The following AEBP1 variants were observed in gnomAD, a reference collection of about 807,000 sequenced individuals.
AEBP1 encodes adipocyte enhancer-binding protein 1.
A neutral mutation model predicts 116.5 loss-of-function variants in AEBP1; 69 were observed. The ratio of observed to expected loss-of-function variants is 0.59; its 90% confidence interval spans 0.49 to 0.72. The LOEUF (loss-of-function observed/expected upper bound fraction) is 0.72. AEBP1 is among the 30% of genes least tolerant of loss of function. The probability of loss-of-function intolerance (pLI) is 0.00; values close to 1 mark genes in which losing one functional copy is unlikely to be tolerated. For missense variants in AEBP1, 1,444 were observed against 1,557.5 expected (o/e 0.93, Z 1.23); for synonymous variants, 627 against 627.3 (o/e 1.00, Z 0.01).
Position 44,113,693 on chromosome 7 carries a change from A to G in AEBP1, c.2909A>G (p.Asp970Gly), listed in dbSNP as rs1254521339. 6.2e-7 allele frequency: 1 copy of G among 1,613,998 alleles called. No homozygotes were observed. The highest frequency in any genetic ancestry group is 1.1e-5 in the South Asian group (1 of 91,078). ...CCGAGCGCCAAGACCTGCAATGTTG[A>G]CTATGACATCGGGGCCACTCAGTGC... ...YTPSAKTCNV[D>G]YDIGATQCNF... The change falls in exon 21 of 21, where the codon GAC becomes GGC. Residue 970 changes from aspartate (D) to glycine (G), a missense_variant. Transcript: ENST00000223357. This position sits in a 1 kb window ranked among gnomAD's most constrained non-coding sequence, Gnocchi z 5.3.
rs202011690 is a variant in AEBP1, at chr7:44,113,210, T to C, written c.2710-42T>C. 6.1e-5 allele frequency: 99 copies of C among 1,613,392 alleles called. No homozygotes were observed. The Admixed American group carries it at 1.6e-3, about 26-fold the overall frequency. ...GGCGGGAGGGAGCAGCGGACCACATTGGACCTTCCTGAGGACCAGCAGCCC... is the reference window on the plus strand; with the variant it reads ...GGCGGGAGGGAGCAGCGGACCACATCGGACCTTCCTGAGGACCAGCAGCCC... On this transcript the variant is annotated intron_variant, in intron 19 of 20. Transcript: ENST00000223357. The surrounding 1 kb of genome is among the most constrained non-coding windows in gnomAD (Gnocchi z 5.3).
intron 11 of AEBP1, 107 bp from the exon 12 acceptor site, chr7:44,110,618 C>A: frequency 2.6e-6 from 3 of 1,138,826 alleles, no homozygotes; most frequent in Non-Finnish European, 3.8e-6. Flanking sequence ...CCGTGCAGCA[C>A]CACCCTGCTA....
Position 44,113,706 on chromosome 7 carries a change from G to A in AEBP1, c.2922G>A (p.Gly974=). The change falls in exon 21 of 21, where the codon GGG becomes GGA. Residue 974 remains glycine (G), a synonymous_variant. Coordinates refer to ENST00000223357, the MANE Select transcript of AEBP1 (RefSeq NM_001129.5). The surrounding 1 kb of genome is among the most constrained non-coding windows in gnomAD (Gnocchi z 5.3). ...CCTGCAATGTTGACTATGACATCGGGGCCACTCAGTGCAACTTCATCCTGG... is the reference window on the plus strand; with the variant it reads ...CCTGCAATGTTGACTATGACATCGGAGCCACTCAGTGCAACTTCATCCTGG... The part of the protein sequence containing the change: ...AKTCNVDYDI[G]ATQCNFILAR... 1 of 1,614,006 alleles carries A rather than the reference G, an allele frequency of 6.2e-7. No homozygotes were observed.
At chr7:44,109,057 T>C (rs756137958) in intron 7 of AEBP1, 50 bp from the exon 8 acceptor site, 36 of 1,612,204 alleles carry the variant, frequency 2.2e-5, no homozygotes, top group Non-Finnish European at 2.9e-5. Flanking sequence ...CACATGGTCC[T>C]CAAAGCCCAG....
rs1475336464 is a variant in AEBP1 at position 44,112,769 on chromosome 7, C to T, written c.2429C>T (p.Ala810Val). The T allele has an allele frequency of 1.9e-6, 3 of 1,612,998 alleles. No homozygotes were observed. Among genetic ancestry groups the T allele is most frequent in the Admixed American group, 3.3e-5 (2 of 60,002 alleles). ...GAGGCCCAGGAGACTCCAGACCACG[C>T]CATCTTCCGGTGGCTTGCCATCTCC... The part of the protein sequence containing the change: ...VSEAQETPDH[A>V]IFRWLAISFA... Residue 810 changes from alanine (A) to valine (V), a missense_variant, in exon 18 of 21, where the codon GCC becomes GTC. Ala to Val is a moderately conservative substitution (Grantham distance 64). Transcript: ENST00000223357. This position sits in a 1 kb window ranked among gnomAD's most constrained non-coding sequence, Gnocchi z 6.6.
chr7:44,107,033 CA>C lies in AEBP1; in HGVS notation c.595+147del. The C allele has an allele frequency of 4.2e-6, 3 of 705,886 alleles. No individual in the cohort carries two copies. Among genetic ancestry groups the C allele is most frequent in the Non-Finnish European group, 6.9e-6 (3 of 434,506 alleles). 43.7% of individuals were successfully genotyped at this position (705,886 alleles called of 1,614,324 possible). A position where few individuals can be genotyped will look rare whatever the true frequency, so the allele number is the denominator to read the frequency against. ...GGAACCTCACTTTTGCTATAAATTTCACAATTTGATTGGTGGGCTCCCTCAG... is the reference window on the plus strand; with the variant it reads ...GGAACCTCACTTTTGCTATAAATTTCCAATTTGATTGGTGGGCTCCCTCAG... On this transcript the variant is annotated intron_variant, in intron 2 of 20. Coordinates refer to ENST00000223357, the MANE Select transcript of AEBP1 (RefSeq NM_001129.5). The surrounding 1 kb of genome is among the most constrained non-coding windows in gnomAD (Gnocchi z 4.3).
rs1290313218 is a variant in AEBP1, at chr7:44,107,469, C to T, written c.626C>T (p.Pro209Leu). The T allele has an allele frequency of 1.2e-5, 20 of 1,613,290 alleles. No individual in the cohort carries two copies. The highest frequency in any genetic ancestry group is 1.7e-5 in the Non-Finnish European group (20 of 1,180,008). ...GAPLSNNWQNPGEETHVEARE... is the reference protein window; with the variant it reads ...GAPLSNNWQNLGEETHVEARE... ...CCCCTCTCAAATAACTGGCAGAATC[C>T]AGGAGAGGAGACCCATGTGGAGGCA... is the stretch of plus-strand genomic sequence containing the variant. The change falls in exon 3 of 21, where the codon CCA (proline) becomes CTA (leucine). Residue 209 changes from proline (P) to leucine (L), a missense_variant. Physicochemically the swap from Pro to Leu is moderately conservative, Grantham distance 98. Coordinates refer to ENST00000223357, the MANE Select transcript of AEBP1 (RefSeq NM_001129.5). The surrounding 1 kb of genome is among the most constrained non-coding windows in gnomAD (Gnocchi z 4.3).
Position 44,111,162 on chromosome 7 carries a change from A to G in AEBP1, c.1639A>G (p.Ser547Gly), listed in dbSNP as rs778574670. The change falls in exon 14 of 21, where the codon AGC becomes GGC. Residue 547 changes from serine to glycine, a missense_variant. Coordinates refer to ENST00000223357, the MANE Select transcript of AEBP1 (RefSeq NM_001129.5). This position sits in a 1 kb window ranked among gnomAD's most constrained non-coding sequence, Gnocchi z 4.7. ...CCCCGCCTCCCTTGCAGCTGTCTAC[A>G]GCTACTACGCACAGAATGAGGTGGT... is the stretch of plus-strand genomic sequence containing the variant. ...VLGCSVAPVY[S>G]YYAQNEVVAT... is the part of the protein sequence containing the mutation. 6.5e-7 allele frequency: 1 copy of G among 1,546,608 alleles called. No individual in the cohort carries two copies. Among genetic ancestry groups the G allele is most frequent in the East Asian group, 2.3e-5 (1 of 44,254 alleles).
chr7:44,108,129 G>A lies in AEBP1; in HGVS notation c.940+45G>A, dbSNP rs761287382. 1.4e-5 allele frequency: 21 copies of A among 1,549,056 alleles called. No individual in the cohort carries two copies. The highest frequency in any genetic ancestry group is 1.6e-5 in the Non-Finnish European group (18 of 1,144,400). ...GAGTCTGAGGGACATAGGCAGGTGG[G>A]GGTCGGGGCTGGGGTGTGGTCAGGA... On this transcript the variant is annotated intron_variant, in intron 6 of 20. Transcript: ENST00000223357. The surrounding 1 kb of genome is among the most constrained non-coding windows in gnomAD (Gnocchi z 5.0).
In AEBP1 at chr7:44,108,893, C is replaced by T; in HGVS notation, c.941-6C>T. On this transcript the variant is annotated splice_region_variant and splice_polypyrimidine_tract_variant and intron_variant, in intron 6 of 20. Coordinates refer to ENST00000223357, the MANE Select transcript of AEBP1 (RefSeq NM_001129.5). The surrounding 1 kb of genome is among the most constrained non-coding windows in gnomAD (Gnocchi z 5.0). The stretch of plus-strand genomic sequence containing the variant: ...GGCAGCCTCAGCTGGCTCTCCCTCC[C>T]CATAGTGGACTATTACTTTGGGCCT... The T allele has an allele frequency of 6.4e-7, 1 of 1,571,412 alleles. No individual in the cohort carries two copies.
At position 44,113,228 on chromosome 7, in the gene AEBP1, A is replaced by T; in HGVS notation, c.2710-24A>T. 1 of 1,613,408 alleles carries T rather than the reference A, an allele frequency of 6.2e-7. No individual in the cohort carries two copies. The highest frequency in any genetic ancestry group is 2.2e-5 in the East Asian group (1 of 44,860). ...ACCACATTGGACCTTCCTGAGGACCAGCAGCCCTCACCTGCTTCCCTAGGT... is the reference window on the plus strand; with the variant it reads ...ACCACATTGGACCTTCCTGAGGACCTGCAGCCCTCACCTGCTTCCCTAGGT... On this transcript the variant is annotated intron_variant, in intron 19 of 20. Transcript: ENST00000223357. The surrounding 1 kb of genome is among the most constrained non-coding windows in gnomAD (Gnocchi z 5.3).
chr7:44,110,827 G>A lies in AEBP1; in HGVS notation c.1485+18G>A, dbSNP rs1184926541. 2 of 1,591,402 alleles carry A rather than the reference G, an allele frequency of 1.3e-6. No homozygotes were observed. The highest frequency in any genetic ancestry group is 1.7e-6 in the Non-Finnish European group (2 of 1,166,498). ...AGGAAATGGTGGGCACCATGCCCAG[G>A]CTCTTGGCTCTGCTCCCATTGTCTG... is the stretch of plus-strand genomic sequence containing the variant. On this transcript the variant is annotated intron_variant, in intron 12 of 20. Coordinates refer to ENST00000223357, the MANE Select transcript of AEBP1 (RefSeq NM_001129.5).
rs533759393 is a variant in AEBP1 at position 44,111,802 on chromosome 7, C to G, written c.1841-52C>G. The G allele has an allele frequency of 7.0e-6, 11 of 1,575,484 alleles. No individual in the cohort carries two copies. In the East Asian group the frequency reaches 2.5e-4, roughly 36 times the overall value. On this transcript the variant is annotated intron_variant, in intron 15 of 20. Coordinates refer to ENST00000223357, the MANE Select transcript of AEBP1 (RefSeq NM_001129.5). This position sits in a 1 kb window ranked among gnomAD's most constrained non-coding sequence, Gnocchi z 4.7. ...GAGGTGGGTCTGGGTCCTTCCTCAG[C>G]TGCCCTGGGCCTCGGGAGACTGAGT...
intron 1 of AEBP1, 75 bp downstream of exon 1, chr7:44,104,993 G>A: frequency 2.4e-6 from 3 of 1,232,934 alleles, no homozygotes; most frequent in East Asian, 2.6e-5. Flanking sequence ...GGTAGGGTCT[G>A]GCCACTCCCC....
rs1489516600 is a variant in AEBP1, at chr7:44,110,189, C to A, written c.1261-18C>A. 8.7e-6 allele frequency: 14 copies of A among 1,613,494 alleles called. No homozygotes were observed. The highest frequency in any genetic ancestry group is 1.1e-5 in the South Asian group (1 of 91,088). ...GGACTCCTCCGCCCATGCTCAGCCTCCCCTGCCCCCTGGACAGACCGGTGC... is the reference window on the plus strand; with the variant it reads ...GGACTCCTCCGCCCATGCTCAGCCTACCCTGCCCCCTGGACAGACCGGTGC... On this transcript the variant is annotated intron_variant, in intron 10 of 20. Coordinates refer to ENST00000223357, the MANE Select transcript of AEBP1 (RefSeq NM_001129.5).
Position 44,108,015 on chromosome 7 carries a change from G to A in AEBP1, c.871G>A (p.Val291Met), listed in dbSNP as rs763604919. The change falls in exon 6 of 21, where the codon GTG becomes ATG. Residue 291 changes from valine (V) to methionine (M), a missense_variant. By Grantham distance (21) the Val-to-Met change is conservative. Coordinates refer to ENST00000223357, the MANE Select transcript of AEBP1 (RefSeq NM_001129.5). The surrounding 1 kb of genome is among the most constrained non-coding windows in gnomAD (Gnocchi z 5.0). ...PAPEERIEPP[V>M]KPLLPPLPPD... Reference sequence around the variant, plus strand: ...CCTCCCCGCCTCCCCAGAGCCTCCTGTGAAGCCTCTGCTGCCCCCGCTGCC... The same window carrying A: ...CCTCCCCGCCTCCCCAGAGCCTCCTATGAAGCCTCTGCTGCCCCCGCTGCC... 2.5e-6 allele frequency: 4 copies of A among 1,589,906 alleles called. No homozygotes were observed. Among genetic ancestry groups the A allele is most frequent in the East Asian group, 2.3e-5 (1 of 43,382 alleles).
rs181697573 is a variant in AEBP1, at chr7:44,112,032, C to T, written c.2019C>T (p.Tyr673=). The part of the protein sequence containing the change: ...HLVPSLNPDG[Y]EVAAQMGSEF... ...TGCCCTCACTGAACCCTGATGGCTACGAGGTGGCAGCGCAGATGGTGGGTT... is the reference window on the plus strand; with the variant it reads ...TGCCCTCACTGAACCCTGATGGCTATGAGGTGGCAGCGCAGATGGTGGGTT... The change falls in exon 16 of 21, where the codon TAC becomes TAT. Residue 673 remains tyrosine, a synonymous_variant. Coordinates refer to ENST00000223357, the MANE Select transcript of AEBP1 (RefSeq NM_001129.5). The surrounding 1 kb of genome is among the most constrained non-coding windows in gnomAD (Gnocchi z 6.6). The T allele has an allele frequency of 8.7e-6, 14 of 1,613,112 alleles. No individual in the cohort carries two copies. In the East Asian group the frequency reaches 2.7e-4, roughly 31 times the overall value.
chr7:44,108,922 C>A lies in AEBP1; in HGVS notation c.964C>A (p.Pro322Thr). 6.3e-7 allele frequency: 1 copy of A among 1,592,936 alleles called. No individual in the cohort carries two copies. The highest frequency in any genetic ancestry group is 1.1e-5 in the South Asian group (1 of 87,916). Residue 322 changes from proline to threonine, a missense_variant, in exon 7 of 21, where the codon CCG (proline) becomes ACG (threonine). Pro to Thr is a conservative substitution (Grantham distance 38, BLOSUM62 -1). Coordinates refer to ENST00000223357, the MANE Select transcript of AEBP1 (RefSeq NM_001129.5). The surrounding 1 kb of genome is among the most constrained non-coding windows in gnomAD (Gnocchi z 5.0). ...AGTGGACTATTACTTTGGGCCTCCT[C>A]CGCCCCAGAAGCCCGATGCTGAGCG... ...DDMDYYFGPP[P>T]PQKPDAERQT...
chr7:44,112,336 T>C lies in AEBP1; in HGVS notation c.2217+15T>C, dbSNP rs1389330396. On this transcript the variant is annotated intron_variant, in intron 17 of 20. Transcript: ENST00000223357. The surrounding 1 kb of genome is among the most constrained non-coding windows in gnomAD (Gnocchi z 6.6). Reference sequence around the variant, plus strand: ...CAGATGCCACGGTGAGGCTACAGCCTGGCTGAAAGGGCAGGAGGGAGCAGC... The same window carrying C: ...CAGATGCCACGGTGAGGCTACAGCCCGGCTGAAAGGGCAGGAGGGAGCAGC... The C allele has an allele frequency of 1.3e-6, 2 of 1,531,486 alleles. No homozygotes were observed. Among genetic ancestry groups the C allele is most frequent in the Admixed American group, 2.1e-5 (1 of 48,634 alleles). The allele number at this position is 1,531,486 out of a possible 1,614,324, so 94.9% of individuals were successfully genotyped here.
Sources: gnomAD v4.1 joint callset for allele counts on GRCh38, gnomAD v4.1.1 for gene constraint, Gnocchi (gnomAD v3.1) non-coding constraint, MANE v1.5 for transcripts, NCBI Gene and HGNC (gene_info 2026-07-23, HGNC 2026-07-21) for gene names.